The following SLCO3A1 variants were observed in gnomAD, a reference collection of about 807,000 sequenced individuals.
The protein encoded by SLCO3A1 is PGE1 transporter.
Under a neutral mutation model 63.1 loss-of-function variants are expected in SLCO3A1, and 27 were observed. The ratio of observed to expected loss-of-function variants is 0.43; its 90% CI spans 0.32 to 0.59. The LOEUF (loss-of-function observed/expected upper bound fraction) is 0.59, where lower values mean the gene tolerates loss of function less well. Ranked by LOEUF, SLCO3A1 falls within the 20% of genes least tolerant of loss-of-function variation. The probability of loss-of-function intolerance (pLI) is 0.09; values close to 1 mark genes in which losing one functional copy is unlikely to be tolerated. For synonymous variants in SLCO3A1, 473 were observed against 409.9 expected (o/e 1.15, Z -1.86); for missense variants, 773 against 945.8 (o/e 0.82, Z 2.40).
At chr15:91,932,934 T>G (rs192789784) in intron 2 of SLCO3A1, among the ~76,000 whole-genome samples, 1 of 152,324 alleles carries the variant, frequency 6.6e-6, no homozygotes, top group East Asian at 1.9e-4. Flanking sequence ...ACAGCTATGC[T>G]TGGCCATGGC....
At chr15:91,905,947 T>G (rs1475730206) in intron 1 of SLCO3A1, among the ~76,000 whole-genome samples, 28 of 152,218 alleles carry the variant, frequency 1.8e-4, no homozygotes. Flanking sequence ...CGGGCCACCT[T>G]GCTGACGCAG....
chr15:91,897,027 G>A lies in SLCO3A1; in HGVS notation c.181-18966G>A. 6.6e-6 allele frequency among the ~76,000 whole-genome samples: 1 copy of A among 152,152 alleles called. No individual in the cohort carries two copies. Among genetic ancestry groups the A allele is most frequent in the Non-Finnish European group, 1.5e-5 (1 of 68,028 alleles). On this transcript the variant is annotated intron_variant, in intron 1 of 9. Coordinates refer to ENST00000318445, the MANE Select transcript of SLCO3A1 (RefSeq NM_013272.4). This position sits in a 1 kb window ranked among gnomAD's most constrained non-coding sequence, Gnocchi z 4.7. ...ATTTTAGGAACGATATGTCACTTTT[G>A]TGATCTTTAGTTGCCTCTAGAAAAT... is the stretch of plus-strand genomic sequence containing the variant.
intron 3 of SLCO3A1, among the ~76,000 whole-genome samples, chr15:92,095,537 G>T (rs1334488353): frequency 2.6e-5 from 4 of 152,194 alleles, no homozygotes; most frequent in African/African-American, 9.7e-5. Context: ...TGTGTTCTTA[G>T]CAGGAAGTGC....
intron 4 of SLCO3A1, among the ~76,000 whole-genome samples, chr15:92,116,935 G>C (rs929505744): frequency 6.6e-6 from 1 of 152,154 alleles, no homozygotes; most frequent in Non-Finnish European, 1.5e-5. Context: ...GCCCACTAAG[G>C]CTTCCTCAAG....
chr15:91,947,867 G>T (rs1479644866), intron 2 of SLCO3A1, among the ~76,000 whole-genome samples: 3 of 152,180 alleles, frequency 2.0e-5, no homozygotes, highest in Non-Finnish European at 4.4e-5. Flanking sequence ...ACTGCAGAGT[G>T]CTGTCTTGGA....
At chr15:92,036,917 A>C (rs1324766182) in intron 2 of SLCO3A1, among the ~76,000 whole-genome samples, 1 of 152,192 alleles carries the variant, frequency 6.6e-6, no homozygotes, top group Non-Finnish European at 1.5e-5. Context: ...TTTGATTTGG[A>C]AGTCCTGGTT....
chr15:92,138,461 C>T (rs921191162), intron 7 of SLCO3A1, among the ~76,000 whole-genome samples: 11 of 119,040 alleles, frequency 9.2e-5, no homozygotes, highest in African/African-American at 3.0e-4. Flanking sequence ...GATGGGGGCT[C>T]TTTTTTGGTT....
At chr15:92,162,133 C>CTTTTTTTTTTTTT (rs397854182) in intron 9 of SLCO3A1, 1 of 59,368 alleles carries the variant, frequency 1.7e-5, no homozygotes, top group Non-Finnish European at 2.9e-5. Flanking sequence ...GTTCTAGATG[C>CTTTTTTTTTTTTT]TTTTTTTTTT....
intron 2 of SLCO3A1, among the ~76,000 whole-genome samples, chr15:92,075,481 G>A (rs980303564): frequency 3.3e-5 from 5 of 152,212 alleles, no homozygotes; most frequent in African/African-American, 1.2e-4. Flanking sequence ...ATGGGCATTT[G>A]GGATAAGTGC....
intron 2 of SLCO3A1, among the ~76,000 whole-genome samples, chr15:92,051,355 C>G (rs967891888): frequency 6.6e-6 from 1 of 152,068 alleles, no homozygotes; most frequent in Non-Finnish European, 1.5e-5. Flanking sequence ...GACAGCATCC[C>G]TGTAGCCTGG....
intron 2 of SLCO3A1, among the ~76,000 whole-genome samples, chr15:92,086,140 G>A (rs2047401493): frequency 6.6e-6 from 1 of 152,142 alleles, no homozygotes; most frequent in Admixed American, 6.5e-5. Flanking sequence ...CACTTGCTGT[G>A]GGGTGTTTAC....
Position 92,002,658 on chromosome 15 carries a change from T to C in SLCO3A1, c.646+86200T>C, listed in dbSNP as rs149661842. On this transcript the variant is annotated intron_variant, in intron 2 of 9. Coordinates refer to ENST00000318445, the MANE Select transcript of SLCO3A1 (RefSeq NM_013272.4). ...GATTAAGAGTTTTATGGTAAAGATA[T>C]TCTCCGAAATTAGTGGTAGCAATTA... is the stretch of plus-strand genomic sequence containing the variant. 4.6e-5 allele frequency among the ~76,000 whole-genome samples: 7 copies of C among 152,330 alleles called. No homozygotes were observed. The East Asian group carries it at 1.3e-3, about 29-fold the overall frequency.
chr15:91,994,737 A>C (rs904166062), intron 2 of SLCO3A1, among the ~76,000 whole-genome samples: 2 of 152,230 alleles, frequency 1.3e-5, no homozygotes, highest in Admixed American at 1.3e-4. Flanking sequence ...TTGAGGATTA[A>C]ATGAGATAAT....
rs1270544176 is a variant in SLCO3A1, at chr15:91,883,485, G to A, written c.180+29397G>A. Among the ~76,000 whole-genome samples the A allele has an allele frequency of 6.6e-6, 1 of 152,190 alleles. No homozygotes were observed. Among genetic ancestry groups the A allele is most frequent in the Non-Finnish European group, 1.5e-5 (1 of 68,032 alleles). ...CGGAGGGATGTACCTCGCACTGACT[G>A]GCTGGGGCCCTTCATCCTTTGCATT... On this transcript the variant is annotated intron_variant, in intron 1 of 9. Coordinates refer to ENST00000318445, the MANE Select transcript of SLCO3A1 (RefSeq NM_013272.4). This position sits in a 1 kb window ranked among gnomAD's most constrained non-coding sequence, Gnocchi z 4.8.
intron 2 of SLCO3A1, among the ~76,000 whole-genome samples, chr15:91,919,322 C>T (rs1898764896): frequency 6.6e-6 from 1 of 152,244 alleles, no homozygotes; most frequent in Non-Finnish European, 1.5e-5. Context: ...CAAGGGGCTC[C>T]TCTGGCTGGC....
At chr15:92,017,396 C>T (rs73534374) in intron 2 of SLCO3A1, among the ~76,000 whole-genome samples, 7,581 of 152,136 alleles carry the variant, frequency 0.05, 685 homozygotes, top group African/African-American at 0.17. Flanking sequence ...ATTATGTTCC[C>T]TGACAGGGAA....
chr15:91,985,909 G>T (rs2046046217), intron 2 of SLCO3A1, among the ~76,000 whole-genome samples: 1 of 152,168 alleles, frequency 6.6e-6, no homozygotes, highest in Non-Finnish European at 1.5e-5. Context: ...CGTGTAGGTG[G>T]GGGAGGCCTT....
At chr15:91,929,084 A>G (rs1899132277) in intron 2 of SLCO3A1, among the ~76,000 whole-genome samples, 1 of 152,238 alleles carries the variant, frequency 6.6e-6, no homozygotes, top group Non-Finnish European at 1.5e-5. Context: ...AGTAGAGATA[A>G]TGTAATCCCC....
chr15:92,078,370 GTC>G (rs2047304034), intron 2 of SLCO3A1, among the ~76,000 whole-genome samples: 1 of 152,188 alleles, frequency 6.6e-6, no homozygotes, highest in African/African-American at 2.4e-5. Flanking sequence ...CATAGCAGGT[GTC>G]TCCCTGAGGC....
Sources: gnomAD v4.1 joint callset for allele counts (sites outside exome capture counted in the v4.1 genomes callset) on GRCh38, gnomAD v4.1.1 for gene constraint, Gnocchi (gnomAD v3.1) non-coding constraint, MANE v1.5 for transcripts, NCBI Gene and HGNC (gene_info 2026-07-23, HGNC 2026-07-21) for gene names.